Variants in MFHAS1 observed in about 807,000 individuals in gnomAD.
MFHAS1 encodes the protein malignant fibrous histiocytoma-amplified sequence 1.
In MFHAS1, 50 loss-of-function variants were observed where a neutral mutation model predicts 70.4. The ratio of observed to expected loss-of-function variants is 0.71; its 90% confidence interval spans 0.57 to 0.90. The LOEUF is 0.90. Ranked by LOEUF, MFHAS1 falls within the 40% of genes least tolerant of loss-of-function variation. The pLI, the probability that MFHAS1 is intolerant of heterozygous loss-of-function variation, is 0.00. For missense variants in MFHAS1, 1,795 were observed against 1,347.6 expected, an observed-to-expected ratio of 1.33 and a Z score of -5.20; for synonymous variants, 952 against 620.0, an observed-to-expected ratio of 1.54 and a Z score of -7.96.
intron 1 of MFHAS1, among the ~76,000 whole-genome samples, chr8:8,813,590 T>C (rs1031544542): frequency 8.5e-5 from 13 of 152,086 alleles, no homozygotes; most frequent in Non-Finnish European, 4.4e-5. Context: ...TAAAAAACTA[T>C]AAAATTTAAA....
intron 1 of MFHAS1, among the ~76,000 whole-genome samples, chr8:8,802,822 T>C (rs981698164): frequency 6.6e-6 from 1 of 152,050 alleles, no homozygotes; most frequent in Non-Finnish European, 1.5e-5. Flanking sequence ...CTGGGAAACA[T>C]GATGAGGCAA....
intron 1 of MFHAS1, among the ~76,000 whole-genome samples, chr8:8,889,117 A>G (rs1809887120): frequency 6.6e-6 from 1 of 152,126 alleles, no homozygotes; most frequent in South Asian, 2.1e-4. Flanking sequence ...AAAACGAAAA[A>G]AAAGTCTACT....
intron 1 of MFHAS1, among the ~76,000 whole-genome samples, chr8:8,865,322 G>C: frequency 6.9e-6 from 1 of 144,920 alleles, no homozygotes; most frequent in Non-Finnish European, 1.5e-5. Flanking sequence ...CTGTCAAGAT[G>C]ACAGGCTGAG....
rs761737201 is a variant in MFHAS1, at chr8:8,890,451, G to A, written c.2608C>T (p.Leu870=). 5 of 1,613,782 alleles carry A rather than the reference G, an allele frequency of 3.1e-6. No individual in the cohort carries two copies. The African/African-American group carries it at 4.0e-5, about 13-fold the overall frequency. The part of the protein sequence containing the change: ...HAEAWINGTN[L]AGQSFVAEQL... ...TCAGCCACAAAAGACTGCCCAGCTA[G>A]GTTGGTCCCATTAATCCAGGCTTCT... The change falls in exon 1 of 3, where the codon CTA becomes TTA. Residue 870 remains leucine, a synonymous_variant. Transcript: ENST00000276282.
At chr8:8,833,308 C>G (rs77359351) in intron 1 of MFHAS1, among the ~76,000 whole-genome samples, 13 of 152,134 alleles carry the variant, frequency 8.5e-5, no homozygotes, top group Non-Finnish European at 1.8e-4. Context: ...GGTACAAACA[C>G]TCTGGAAAAA....
chr8:8,882,739 C>T (rs1209841461), intron 1 of MFHAS1, among the ~76,000 whole-genome samples: 1 of 152,256 alleles, frequency 6.6e-6, no homozygotes, highest in African/African-American at 2.4e-5. Context: ...GCTAGAGCAG[C>T]CTTGGAGAAG....
At chr8:8,860,864 T>G (rs1808633850) in intron 1 of MFHAS1, among the ~76,000 whole-genome samples, 3 of 152,244 alleles carry the variant, frequency 2.0e-5, no homozygotes, top group Non-Finnish European at 4.4e-5. Context: ...CCATTTCTTC[T>G]GGGCTCATAC....
rs1477479624 is a variant in MFHAS1, at chr8:8,891,573, C to T, written c.1486G>A (p.Ala496Thr). 3.1e-6 allele frequency: 5 copies of T among 1,613,144 alleles called. No individual in the cohort carries two copies. Among genetic ancestry groups the T allele is most frequent in the East Asian group, 4.5e-5 (2 of 44,896 alleles). Residue 496 changes from alanine to threonine, a missense_variant, in exon 1 of 3, where the codon GCC (alanine) becomes ACC (threonine). Coordinates refer to ENST00000276282, the MANE Select transcript of MFHAS1 (RefSeq NM_004225.3). The surrounding 1 kb of genome is among the most constrained non-coding windows in gnomAD (Gnocchi z 5.4). ...AAGTTGACCACCAGCACGTATAGGG[C>T]CCCTGGGGACAGGAAGAAGGGCTGG... ...VIQPFFLSPG[A>T]LYVLVVNLAT... is the part of the protein sequence containing the mutation.
intron 2 of MFHAS1, among the ~76,000 whole-genome samples, chr8:8,792,617 C>CA (rs1403428834): frequency 1.3e-5 from 2 of 151,808 alleles, no homozygotes; most frequent in African/African-American, 4.8e-5. Flanking sequence ...AAAAAATAAC[C>CA]AAAAAAACAA....
chr8:8,887,223 G>C (rs117122220), intron 1 of MFHAS1, among the ~76,000 whole-genome samples: 413 of 152,044 alleles, frequency 2.7e-3, no homozygotes, highest in Admixed American at 6.6e-3. Context: ...AATAATCTAG[G>C]GATTCAATGA....
chr8:8,810,673 T>G (rs1308246235), intron 1 of MFHAS1, among the ~76,000 whole-genome samples: 1 of 152,218 alleles, frequency 6.6e-6, no homozygotes, highest in Non-Finnish European at 1.5e-5. Flanking sequence ...ACGAAATACA[T>G]GCTGATGAAC....
At chr8:8,855,112 A>G (rs576290712) in intron 1 of MFHAS1, among the ~76,000 whole-genome samples, 75 of 152,084 alleles carry the variant, frequency 4.9e-4, no homozygotes, top group East Asian at 5.8e-4. Context: ...CCCCCAGCAT[A>G]CCAAAATTAT....
Position 8,834,037 on chromosome 8 carries a change from A to C in MFHAS1, c.2999-36546T>G, listed in dbSNP as rs1021044122. ...GCTACTCAGGAGGTTGAGGCATGAG[A>C]ATCGCTTGAACCCGGGAGGCGGAGG... On this transcript the variant is annotated intron_variant, in intron 1 of 2. Transcript: ENST00000276282. Among the ~76,000 whole-genome samples, 11 of 152,094 alleles carry C rather than the reference A, an allele frequency of 7.2e-5. No homozygotes were observed. In the South Asian group the frequency reaches 2.1e-3, roughly 29 times the overall value.
At chr8:8,832,330 A>G (rs1257984730) in intron 1 of MFHAS1, among the ~76,000 whole-genome samples, 1 of 151,958 alleles carries the variant, frequency 6.6e-6, no homozygotes, top group Non-Finnish European at 1.5e-5. Flanking sequence ...CTGGCAAAGG[A>G]CTTGTTTCTA....
intron 1 of MFHAS1, among the ~76,000 whole-genome samples, chr8:8,850,297 T>G (rs1054436969): frequency 2.0e-5 from 3 of 152,196 alleles, no homozygotes; most frequent in African/African-American, 7.2e-5. Flanking sequence ...TTAACATGTC[T>G]GTGACAATAC....
chr8:8,861,355 A>G (rs2116889994), intron 1 of MFHAS1, among the ~76,000 whole-genome samples: 1 of 152,334 alleles, frequency 6.6e-6, no homozygotes, highest in Non-Finnish European at 1.5e-5. Context: ...GAATGATTGG[A>G]TATCAACAAT....
chr8:8,890,131 C>T lies in MFHAS1; in HGVS notation c.2928G>A (p.Leu976=). Residue 976 remains leucine (L), a synonymous_variant, in exon 1 of 3, where the codon CTG becomes CTA. Coordinates refer to ENST00000276282, the MANE Select transcript of MFHAS1 (RefSeq NM_004225.3). The part of the protein sequence containing the change: ...LNVLLQEWPG[L]HYTVHILCSK... ...AACAGAGAATGTGCACGGTGTAGTG[C>T]AGTCCAGGCCATTCCTGAAGTAGGA... 2 of 1,614,172 alleles carry T rather than the reference C, an allele frequency of 1.2e-6. No homozygotes were observed. Among genetic ancestry groups the T allele is most frequent in the South Asian group, 1.1e-5 (1 of 91,074 alleles).
chr8:8,789,861 C>A (rs1433692055), intron 2 of MFHAS1, among the ~76,000 whole-genome samples: 2 of 152,108 alleles, frequency 1.3e-5, no homozygotes, highest in Non-Finnish European at 2.9e-5. Flanking sequence ...ACTAAGGCAA[C>A]CCCTCTGCCC....
chr8:8,805,737 G>A (rs557155458), intron 1 of MFHAS1, among the ~76,000 whole-genome samples: 2 of 152,228 alleles, frequency 1.3e-5, no homozygotes, highest in Admixed American at 6.5e-5. Context: ...TCACTCTGTT[G>A]CCCAGGCTGG....
Sources: allele counts gnomAD v4.1 joint callset (sites outside exome capture counted in the v4.1 genomes callset), GRCh38; gene constraint gnomAD v4.1.1; non-coding constraint Gnocchi (gnomAD v3.1); transcripts MANE v1.5; gene names NCBI Gene and HGNC (gene_info 2026-07-23, HGNC 2026-07-21).